SH3D21: variants seen among roughly 807,000 people sequenced by gnomAD.
SH3D21 encodes SH3 domain-containing protein 21.
Under a neutral mutation model 82.1 loss-of-function variants are expected in SH3D21, and 83 were observed. The ratio of observed to expected loss-of-function variants is 1.01; its 90% CI spans 0.85 to 1.21. The LOEUF (loss-of-function observed/expected upper bound fraction) is 1.21, where lower values mean the gene tolerates loss of function less well. Among genes scored for constraint, SH3D21 ranks in the 50% most tolerant of loss-of-function variants. The pLI, the probability that SH3D21 is intolerant of heterozygous loss-of-function variation, is 0.00. For synonymous variants in SH3D21, 383 were observed against 387.8 expected, an observed-to-expected ratio of 0.99 and a Z score of 0.15; for missense variants, 980 against 962.1, an observed-to-expected ratio of 1.02 and a Z score of -0.25.
downstream of SH3D21, among the ~76,000 whole-genome samples, chr1:36,327,366 C>T (rs751621029): frequency 3.3e-5 from 5 of 152,196 alleles, no homozygotes; most frequent in South Asian, 8.3e-4. Flanking sequence ...ACGGGAATAT[C>T]GGTGTGTGCT....
intron 10 of SH3D21, among the ~76,000 whole-genome samples, chr1:36,311,928 C>G (rs1646248585): frequency 2.6e-5 from 4 of 151,986 alleles, no homozygotes; most frequent in Admixed American, 6.6e-5. Flanking sequence ...CTCCTGGGCT[C>G]AAGCAATTCT....
chr1:36,310,558 T>G (rs1357865808), intron 10 of SH3D21, among the ~76,000 whole-genome samples: 1 of 150,604 alleles, frequency 6.6e-6, no homozygotes. Context: ...GAGGTTGCAG[T>G]GAGCTGAGAT....
downstream of SH3D21, chr1:36,323,330 C>T (rs1646500605): frequency 5.2e-6 from 2 of 387,232 alleles, no homozygotes; most frequent in South Asian, 3.9e-5. Context: ...GTTCCGCCGT[C>T]CCGGGGCGGG....
intron 10 of SH3D21, among the ~76,000 whole-genome samples, chr1:36,313,119 C>T (rs1290944553): frequency 4.0e-5 from 6 of 151,826 alleles, no homozygotes; most frequent in African/African-American, 9.7e-5. Context: ...GGTCAAGAGA[C>T]GGAGACCATC....
chr1:36,322,885 G>A, downstream of SH3D21: 2 of 1,552,814 alleles, frequency 1.3e-6, no homozygotes, highest in Non-Finnish European at 1.8e-6. Flanking sequence ...GAGCGGGGCG[G>A]AGGGGACGGA....
downstream of SH3D21, among the ~76,000 whole-genome samples, chr1:36,325,638 A>G (rs562677378): frequency 2.0e-5 from 3 of 151,988 alleles, no homozygotes; most frequent in African/African-American, 7.2e-5. Flanking sequence ...TCTGCCTCCC[A>G]GGTTCATGCC....
At chr1:36,326,034 G>A (rs758083475), downstream of SH3D21, among the ~76,000 whole-genome samples, 1 of 152,168 alleles carries the variant, frequency 6.6e-6, no homozygotes, top group Non-Finnish European at 1.5e-5. Flanking sequence ...GACATCCACA[G>A]TGAGACCTGA....
intron 10 of SH3D21, 82 bp from the exon 11 acceptor site, chr1:36,318,989 C>T: frequency 1.3e-6 from 1 of 781,510 alleles, no homozygotes; most frequent in Admixed American, 2.1e-5. Context: ...AGATTAACCT[C>T]CTGCCCATAG....
chr1:36,328,138 G>A (rs115986546), downstream of SH3D21: 1,831 of 457,082 alleles, frequency 4.0e-3, 32 homozygotes, highest in African/African-American at 0.032. Flanking sequence ...TGGAAAGCAC[G>A]GAGAGTACTG....
chr1:36,306,429 G>T lies in SH3D21; in HGVS notation c.4+5G>T, dbSNP rs1179613586. 7.7e-7 allele frequency: 1 copy of T among 1,305,442 alleles called. No homozygotes were observed. Among genetic ancestry groups the T allele is most frequent in the Non-Finnish European group, 1.0e-6 (1 of 988,974 alleles). The allele number at this position is 1,305,442 out of a possible 1,614,324, so 80.9% of individuals were successfully genotyped here. On this transcript the variant is annotated splice_donor_5th_base_variant and intron_variant, in intron 1 of 15. Transcript: ENST00000453908. This position sits in a 1 kb window ranked among gnomAD's most constrained non-coding sequence, Gnocchi z 4.5. ...AGGGCGCCCCGGAAACCATGGGTAA[G>T]TGCGGAGGCTTTGAGGTGGCCTCTC...
chr1:36,322,325 C>T (rs756789034), downstream of SH3D21: 9 of 1,561,694 alleles, frequency 5.8e-6, no homozygotes, highest in Admixed American at 1.8e-5. Context: ...CCAGGGTGCC[C>T]GTGGCCGTGG....
At chr1:36,322,169 G>T, downstream of SH3D21, 1 of 1,357,440 alleles carries the variant, frequency 7.4e-7, no homozygotes, top group East Asian at 2.8e-5. Context: ...CTCTCAGGGG[G>T]TGGCGGTCCA....
At chr1:36,309,192 A>C (rs530333749) in intron 9 of SH3D21, among the ~76,000 whole-genome samples, 15 of 151,004 alleles carry the variant, frequency 9.9e-5, no homozygotes, top group African/African-American at 3.6e-4. Context: ...GGAGCATTTT[A>C]GATTTTTTTT....
downstream of SH3D21, chr1:36,322,814 G>A (rs1646490608): frequency 3.4e-6 from 5 of 1,487,298 alleles, no homozygotes; most frequent in South Asian, 1.2e-5. Flanking sequence ...AGGTGTGGGG[G>A]CGAGGCCTGT....
chr1:36,319,213 C>T, intron 11 of SH3D21, 47 bp from the exon 12 acceptor site: 1 of 1,548,922 alleles, frequency 6.5e-7, no homozygotes, highest in Non-Finnish European at 8.7e-7. Flanking sequence ...GGAGGCAACG[C>T]CCCTCCCTGT....
Position 36,307,600 on chromosome 1 carries a change from G to GC in SH3D21, c.434dup (p.Ser146LysfsTer4). 2.6e-6 allele frequency: 4 copies of GC among 1,551,570 alleles called. No homozygotes were observed. The highest frequency in any genetic ancestry group is 1.7e-4 in the Middle Eastern group (1 of 5,992). ...ACTTTGTGGAATTGCTGGACAGTGG[G>GC]CCCCCAAGTGAGACCTCGACTCTGT... On this transcript the variant is annotated frameshift_variant, in exon 5 of 16. Transcript: ENST00000453908. LOFTEE classifies it high-confidence loss of function. The surrounding 1 kb of genome is among the most constrained non-coding windows in gnomAD (Gnocchi z 5.4).
downstream of SH3D21, among the ~76,000 whole-genome samples, chr1:36,325,912 T>C (rs1235402438): frequency 6.6e-6 from 1 of 152,206 alleles, no homozygotes; most frequent in Non-Finnish European, 1.5e-5. Flanking sequence ...CTCATGGAGC[T>C]GACACTAAAT....
In SH3D21 at chr1:36,307,564, C is replaced by T; in HGVS notation, c.393C>T (p.Ala131=). ...WLGKKNGQLG[A]FPSNFVELLD... is the part of the protein sequence containing the mutation. ...GGAAGAAGAACGGGCAGCTGGGAGC[C>T]TTCCCATCCAACTTTGTGGAATTGC... The change falls in exon 5 of 16, where the codon GCC becomes GCT. Residue 131 remains alanine, a synonymous_variant. Coordinates refer to ENST00000453908, the MANE Select transcript of SH3D21 (RefSeq NM_001162530.2). The surrounding 1 kb of genome is among the most constrained non-coding windows in gnomAD (Gnocchi z 5.4). 3 of 1,551,676 alleles carry T rather than the reference C, an allele frequency of 1.9e-6. No homozygotes were observed. The highest frequency in any genetic ancestry group is 1.4e-5 in the African/African-American group (1 of 73,152).
Position 36,320,659 on chromosome 1 carries a change from T to A in SH3D21, c.1996T>A (p.Ser666Thr). The change falls in exon 14 of 16, where the codon TCC (serine) becomes ACC (threonine). Residue 666 changes from serine to threonine, a missense_variant. Ser to Thr is a moderately conservative substitution (Grantham distance 58). Transcript: ENST00000453908. ...ACGTCCTATCAAGCCGCCTCCAGAC[T>A]CCCAAGAGACGCTCGCGCTCCCCTC... ...KTRPIKPPPD[S>T]QETLALPSLV... 6.2e-7 allele frequency: 1 copy of A among 1,614,200 alleles called. No homozygotes were observed. Among genetic ancestry groups the A allele is most frequent in the Non-Finnish European group, 8.5e-7 (1 of 1,180,022 alleles).
Sources: gnomAD v4.1 joint callset for allele counts (sites outside exome capture counted in the v4.1 genomes callset) on GRCh38, gnomAD v4.1.1 for gene constraint, Gnocchi (gnomAD v3.1) non-coding constraint, MANE v1.5 for transcripts, NCBI Gene and HGNC (gene_info 2026-07-23, HGNC 2026-07-21) for gene names.